MTA3: variants seen among roughly 807,000 people sequenced by gnomAD.
MTA3 encodes the protein metastasis-associated protein MTA3.
In MTA3, 34 loss-of-function variants were observed where a neutral mutation model predicts 83.5. The ratio of observed to expected loss-of-function variants is 0.41; its 90% CI spans 0.31 to 0.54. MTA3 has a LOEUF of 0.54. Among genes scored for constraint, MTA3 ranks in the 20% least tolerant of loss-of-function variants. MTA3 has a pLI of 0.33. For missense variants in MTA3, 761 were observed against 726.4 expected (o/e 1.05, Z -0.55); for synonymous variants, 303 against 252.7 (o/e 1.20, Z -1.89).
chr2:42,581,290 C>A (rs1679593671), intron 3 of MTA3, among the ~76,000 whole-genome samples: 2 of 151,712 alleles, frequency 1.3e-5, no homozygotes, highest in Admixed American at 1.3e-4. Flanking sequence ...GTATTGAACT[C>A]CTAGCCTCAA....
intron 6 of MTA3, among the ~76,000 whole-genome samples, chr2:42,651,689 T>C (rs1688729879): frequency 6.6e-6 from 1 of 151,434 alleles, no homozygotes; most frequent in East Asian, 1.9e-4. Flanking sequence ...CCCAGCTATT[T>C]TGGGAGGCTG....
chr2:42,653,152 A>G (rs1440159547), intron 6 of MTA3, among the ~76,000 whole-genome samples: 1 of 152,228 alleles, frequency 6.6e-6, no homozygotes, highest in African/African-American at 2.4e-5. Flanking sequence ...ACGAAGCAAA[A>G]ATAGGAAGCT....
chr2:42,603,384 G>A (rs973257396), intron 3 of MTA3, among the ~76,000 whole-genome samples: 1 of 152,116 alleles, frequency 6.6e-6, no homozygotes, highest in Non-Finnish European at 1.5e-5. Context: ...TTTTAAAATT[G>A]ATAGCAAGTG....
At chr2:42,729,769 A>G (rs755578784) in intron 16 of MTA3, among the ~76,000 whole-genome samples, 3 of 152,186 alleles carry the variant, frequency 2.0e-5, no homozygotes, top group Non-Finnish European at 2.9e-5. Flanking sequence ...AGCTTTGGCT[A>G]TACTGGGTCT....
At chr2:42,683,497 G>T (rs1023939981) in intron 9 of MTA3, among the ~76,000 whole-genome samples, 1 of 152,070 alleles carries the variant, frequency 6.6e-6, no homozygotes, top group Non-Finnish European at 1.5e-5. Context: ...TGATTCAGGT[G>T]CATTACGTTT....
At chr2:42,514,380 G>A (rs1675040248) in intron 2 of MTA3, among the ~76,000 whole-genome samples, 1 of 151,984 alleles carries the variant, frequency 6.6e-6, no homozygotes, top group Non-Finnish European at 1.5e-5. Flanking sequence ...TGTGTATGTG[G>A]TTTTTTGTTT....
At chr2:42,652,512 A>C (rs190458524) in intron 6 of MTA3, among the ~76,000 whole-genome samples, 3 of 152,034 alleles carry the variant, frequency 2.0e-5, no homozygotes, top group Non-Finnish European at 4.4e-5. Flanking sequence ...TCACTTCTTG[A>C]TTTTTATTTT....
intron 2 of MTA3, among the ~76,000 whole-genome samples, chr2:42,578,527 T>C (rs2103867179): frequency 1.3e-5 from 2 of 152,296 alleles, no homozygotes; most frequent in Middle Eastern, 6.8e-3. Context: ...ATTCATAGAC[T>C]TCCTTGGTGT....
At chr2:42,525,000 C>T (rs1232577484) in intron 2 of MTA3, among the ~76,000 whole-genome samples, 1 of 149,236 alleles carries the variant, frequency 6.7e-6, no homozygotes, top group African/African-American at 2.5e-5. Flanking sequence ...GGTACATGTG[C>T]ACAACGTGCT....
chr2:42,747,962 C>T (rs1404609712), intron 16 of MTA3, among the ~76,000 whole-genome samples: 1 of 152,088 alleles, frequency 6.6e-6, no homozygotes, highest in South Asian at 2.1e-4. Flanking sequence ...CCCATCTCCC[C>T]CACCTCACCC....
chr2:42,566,188 T>C (rs1036269763), upstream of MTA3, among the ~76,000 whole-genome samples: 2 of 152,188 alleles, frequency 1.3e-5, no homozygotes, highest in African/African-American at 2.4e-5. Flanking sequence ...GTCTAAACCA[T>C]GTAGCTAAGA....
chr2:42,717,333 A>G (rs971889632), intron 14 of MTA3, among the ~76,000 whole-genome samples: 7 of 152,126 alleles, frequency 4.6e-5, no homozygotes, highest in African/African-American at 1.7e-4. Context: ...TAAATCAGAA[A>G]ACCTGTAGGA....
chr2:42,583,704 T>G lies in MTA3; in HGVS notation c.190+4504T>G, dbSNP rs1679934549. Among the ~76,000 whole-genome samples the G allele has an allele frequency of 2.0e-5, 3 of 151,456 alleles. No homozygotes were observed. In the South Asian group the frequency reaches 6.3e-4, roughly 32 times the overall value. On this transcript the variant is annotated intron_variant, in intron 3 of 16. Coordinates refer to ENST00000405094, the MANE Select transcript of MTA3 (RefSeq NM_001330442.2). ...CCACCATGCCTGGCTAATTTTTGTATTTTTAGTAGAGATGGGGTTTTGCCA... is the reference window on the plus strand; with the variant it reads ...CCACCATGCCTGGCTAATTTTTGTAGTTTTAGTAGAGATGGGGTTTTGCCA...
intron 4 of MTA3, among the ~76,000 whole-genome samples, chr2:42,634,377 G>T (rs913184228): frequency 6.6e-6 from 1 of 152,202 alleles, no homozygotes; most frequent in African/African-American, 2.4e-5. Flanking sequence ...TTGATTCACA[G>T]TTCTGCATGG....
chr2:42,668,474 T>A (rs1421027721), intron 8 of MTA3, among the ~76,000 whole-genome samples: 6 of 152,190 alleles, frequency 3.9e-5, no homozygotes, highest in Non-Finnish European at 8.8e-5. Flanking sequence ...AGTTCCCACA[T>A]GACATCAACT....
chr2:42,721,560 C>G (rs1242868626), intron 15 of MTA3, among the ~76,000 whole-genome samples: 1 of 152,076 alleles, frequency 6.6e-6, no homozygotes, highest in Non-Finnish European at 1.5e-5. Context: ...AACTCCTGGA[C>G]TCATGCAGTC....
In MTA3 at chr2:42,532,233, G is replaced by A. The variant is rs187565670; in HGVS notation, c.-141+36979G>A. Reference sequence around the variant, plus strand: ...TCGTACATAATATCTGGCCTAGGCCGTGTGCAGTGGCTCATACCTGTAATT... The same window carrying A: ...TCGTACATAATATCTGGCCTAGGCCATGTGCAGTGGCTCATACCTGTAATT... On this transcript the variant is annotated intron_variant, in intron 2 of 17. Transcript: ENST00000405592. Among the ~76,000 whole-genome samples, 27 of 152,340 alleles carry A rather than the reference G, an allele frequency of 1.8e-4. No individual in the cohort carries two copies. In the East Asian group the frequency reaches 4.1e-3, roughly 23 times the overall value.
chr2:42,753,192 G>T (rs1190015167), intron 16 of MTA3, among the ~76,000 whole-genome samples, 182 bp from the exon 17 acceptor site: 3 of 152,122 alleles, frequency 2.0e-5, no homozygotes, highest in African/African-American at 7.2e-5. Flanking sequence ...GCCTCTCAAA[G>T]TGCTGGGATT....
intron 16 of MTA3, among the ~76,000 whole-genome samples, chr2:42,730,008 C>T (rs1668133283): frequency 6.6e-6 from 1 of 152,076 alleles, no homozygotes; most frequent in African/African-American, 2.4e-5. Context: ...AGATCTTTCA[C>T]TTCTTTTTCA....
Sources: gnomAD v4.1 joint callset for allele counts (sites outside exome capture counted in the v4.1 genomes callset) on GRCh38, gnomAD v4.1.1 for gene constraint, MANE v1.5 for transcripts, NCBI Gene and HGNC (gene_info 2026-07-23, HGNC 2026-07-21) for gene names.